Variants in CNTNAP2 observed in about 807,000 individuals in gnomAD.
The protein encoded by CNTNAP2 is contactin-associated protein-like 2.
A neutral mutation model predicts 155.2 loss-of-function variants in CNTNAP2; 98 were observed. The ratio of observed to expected loss-of-function variants is 0.63; its 90% CI spans 0.54 to 0.75. The LOEUF (loss-of-function observed/expected upper bound fraction) is 0.75. Among genes scored for constraint, CNTNAP2 ranks in the 30% least tolerant of loss-of-function variants. The pLI, the probability that CNTNAP2 is intolerant of heterozygous loss-of-function variation, is 0.00. For synonymous variants in CNTNAP2, 651 were observed against 631.2 expected (o/e 1.03, Z -0.47); for missense variants, 1,727 against 1,688.1 (o/e 1.02, Z -0.40).
rs913987053 is a variant in CNTNAP2 at position 147,329,299 on chromosome 7, C to G, written c.1498+29009C>G. ...ACACATTATAAAAATGTATAACATT[C>G]TTATAAGTTATACATTCTTATAATT... On this transcript the variant is annotated intron_variant, in intron 9 of 23. Transcript: ENST00000361727. Among the ~76,000 whole-genome samples the G allele has an allele frequency of 2.6e-5, 4 of 151,900 alleles. No homozygotes were observed. In the South Asian group the frequency reaches 8.3e-4, roughly 32 times the overall value.
At chr7:147,643,412 C>T (rs1192726872) in intron 13 of CNTNAP2, 3 of 152,118 alleles carry the variant, frequency 2.0e-5, no homozygotes, top group African/African-American at 4.8e-5. Flanking sequence ...GAATAGCTGA[C>T]GCAAGGAAAA....
chr7:148,263,609 C>A (rs1322850531), intron 20 of CNTNAP2, among the ~76,000 whole-genome samples: 1 of 151,836 alleles, frequency 6.6e-6, no homozygotes, highest in Non-Finnish European at 1.5e-5. Context: ...TGGTGGCGGG[C>A]GCCTGGAGTC....
chr7:146,862,195 T>C (rs2129205377), intron 3 of CNTNAP2, among the ~76,000 whole-genome samples: 1 of 152,330 alleles, frequency 6.6e-6, no homozygotes, highest in East Asian at 1.9e-4. Context: ...TCTATCTTAA[T>C]TAATTCTGTA....
In CNTNAP2 at chr7:146,160,082, C is replaced by G. The variant is rs1246484271; in HGVS notation, c.97+43109C>G. Reference sequence around the variant, plus strand: ...TACGTGGAGACTGAACAACCTGCTCCTGAATGACTACTGAGCACATAACAA... The same window carrying G: ...TACGTGGAGACTGAACAACCTGCTCGTGAATGACTACTGAGCACATAACAA... On this transcript the variant is annotated intron_variant, in intron 1 of 23. Transcript: ENST00000361727. Among the ~76,000 whole-genome samples, 6 of 152,176 alleles carry G rather than the reference C, an allele frequency of 3.9e-5. No individual in the cohort carries two copies. In the East Asian group the frequency reaches 1.2e-3, roughly 29 times the overall value.
chr7:147,485,367 G>C lies in CNTNAP2; in HGVS notation c.1671-568G>C, dbSNP rs190742036. On this transcript the variant is annotated intron_variant, in intron 10 of 23. Transcript: ENST00000361727. ...ACACAAAACCTGTATCTTTCCTTCTGTATTATGCTTGCTGCCTCTTTCAGC... is the reference window on the plus strand; with the variant it reads ...ACACAAAACCTGTATCTTTCCTTCTCTATTATGCTTGCTGCCTCTTTCAGC... Among the ~76,000 whole-genome samples, 248 of 152,268 alleles carry C rather than the reference G, an allele frequency of 1.6e-3. 1 individual carries two copies. The highest frequency in any genetic ancestry group is 5.7e-3 in the African/African-American group (236 of 41,566).
chr7:146,870,750 TAG>T (rs917352141), intron 3 of CNTNAP2, among the ~76,000 whole-genome samples: 3 of 152,148 alleles, frequency 2.0e-5, no homozygotes, highest in Non-Finnish European at 4.4e-5. Flanking sequence ...GTTGTGTCAA[TAG>T]AGTCATGATT....
rs1169006411 is a variant in CNTNAP2, at chr7:147,976,560, C to CAACTAAGGCAGTATAT, written c.2256-1300_2256-1299insCTAAGGCAGTATATAA. Among the ~76,000 whole-genome samples, 8 of 152,240 alleles carry CAACTAAGGCAGTATAT rather than the reference C, an allele frequency of 5.3e-5. No individual in the cohort carries two copies. In the South Asian group the frequency reaches 1.5e-3, roughly 28 times the overall value. Reference sequence around the variant, plus strand: ...TTTTAAAAACCCTTCATTTTGAAAACAATGAAATAACTAAGGCAGTATATA... The same window carrying CAACTAAGGCAGTATAT: ...TTTTAAAAACCCTTCATTTTGAAAACAACTAAGGCAGTATATAATGAAATAACTAAGGCAGTATATA... On this transcript the variant is annotated intron_variant, in intron 14 of 23. Coordinates refer to ENST00000361727, the MANE Select transcript of CNTNAP2 (RefSeq NM_014141.6).
intron 11 of CNTNAP2, among the ~76,000 whole-genome samples, chr7:147,518,256 G>C (rs1799165070): frequency 6.6e-6 from 1 of 152,132 alleles, no homozygotes. Flanking sequence ...ATGGAACTAA[G>C]AGACTAACTT....
chr7:146,246,165 A>G (rs1286655644), intron 1 of CNTNAP2, among the ~76,000 whole-genome samples: 1 of 151,712 alleles, frequency 6.6e-6, no homozygotes, highest in African/African-American at 2.4e-5. Context: ...TTAGGTTTTA[A>G]TGAGATGGTA....
At position 147,132,336 on chromosome 7, in the gene CNTNAP2, A is replaced by T. The variant is rs1554441866; in HGVS notation, c.1175A>T (p.Gln392Leu). 1 of 1,613,770 alleles carries T rather than the reference A, an allele frequency of 6.2e-7. No homozygotes were observed. Among genetic ancestry groups the T allele is most frequent in the Non-Finnish European group, 8.5e-7 (1 of 1,179,808 alleles). Residue 392 changes from glutamine to leucine, a missense_variant, in exon 8 of 24, where the codon CAG becomes CTG. Physicochemically the swap from Gln to Leu is moderately radical, Grantham distance 113. Transcript: ENST00000361727. Reference sequence around the variant, plus strand: ...CTGGAGGTGCCCGGACGGCTTAACCAGGACCTGTTCTCAGTCAGTTTCCAG... The same window carrying T: ...CTGGAGGTGCCCGGACGGCTTAACCTGGACCTGTTCTCAGTCAGTTTCCAG... The part of the protein sequence containing the change: ...SYLEVPGRLN[Q>L]DLFSVSFQFR...
intron 1 of CNTNAP2, among the ~76,000 whole-genome samples, chr7:146,765,711 AAGAC>A (rs1282469139): frequency 6.6e-6 from 1 of 152,234 alleles, no homozygotes; most frequent in African/African-American, 2.4e-5. Flanking sequence ...GAAACAAAAC[AAGAC>A]AGTGTGATAG....
intron 1 of CNTNAP2, among the ~76,000 whole-genome samples, chr7:146,321,307 C>T (rs570048468): frequency 3.3e-5 from 5 of 152,168 alleles, no homozygotes; most frequent in South Asian, 4.2e-4. Flanking sequence ...AGAATTAAAA[C>T]GAGAAGTTTT....
Position 147,473,562 on chromosome 7 carries a change from G to A in CNTNAP2, c.1671-12373G>A, listed in dbSNP as rs151190193. On this transcript the variant is annotated intron_variant, in intron 10 of 23. Transcript: ENST00000361727. The stretch of plus-strand genomic sequence containing the variant: ...ATTGACAAGATAATGAATACCTTTG[G>A]TTTAATTTATTTTTAATAATACGAA... 3.8e-4 allele frequency among the ~76,000 whole-genome samples: 57 copies of A among 151,996 alleles called. No individual in the cohort carries two copies. The East Asian group carries it at 0.011, about 28-fold the overall frequency.
intron 4 of CNTNAP2, among the ~76,000 whole-genome samples, chr7:147,077,371 T>TC (rs56851891): frequency 6.6e-6 from 1 of 152,228 alleles, no homozygotes; most frequent in Non-Finnish European, 1.5e-5. Context: ...TGCTTTTTTT[T>TC]CAATTGCACA....
chr7:147,545,920 C>A (rs1584803775), intron 11 of CNTNAP2, among the ~76,000 whole-genome samples: 3 of 152,096 alleles, frequency 2.0e-5, no homozygotes, highest in East Asian at 3.9e-4. Flanking sequence ...TCTCCAAGAT[C>A]TGATGGTTTT....
intron 1 of CNTNAP2, among the ~76,000 whole-genome samples, chr7:146,378,211 A>G (rs1315230021): frequency 1.3e-5 from 2 of 151,760 alleles, no homozygotes; most frequent in Admixed American, 6.6e-5. Flanking sequence ...ATGTTAGTGC[A>G]GTGCCATGAA....
At chr7:146,411,869 C>T (rs1028504291) in intron 1 of CNTNAP2, among the ~76,000 whole-genome samples, 7 of 151,272 alleles carry the variant, frequency 4.6e-5, no homozygotes, top group Non-Finnish European at 1.0e-4. Context: ...TAGAGTCTCT[C>T]TCTGTTGCCC....
At chr7:146,614,593 G>A (rs1585007394) in intron 1 of CNTNAP2, among the ~76,000 whole-genome samples, 2 of 152,178 alleles carry the variant, frequency 1.3e-5, no homozygotes, top group African/African-American at 4.8e-5. Flanking sequence ...TCACCATCCA[G>A]CTGAATGCAA....
intron 3 of CNTNAP2, among the ~76,000 whole-genome samples, chr7:146,932,345 A>T (rs1190006434): frequency 6.6e-6 from 1 of 151,700 alleles, no homozygotes; most frequent in Non-Finnish European, 1.5e-5. Flanking sequence ...CCACATGATT[A>T]TCTCAATAGA....
Sources: allele counts gnomAD v4.1 joint callset (sites outside exome capture counted in the v4.1 genomes callset), GRCh38; gene constraint gnomAD v4.1.1; transcripts MANE v1.5; gene names NCBI Gene and HGNC (gene_info 2026-07-23, HGNC 2026-07-21).